DDX21: variants seen among roughly 807,000 people sequenced by gnomAD.
DDX21 encodes nucleolar RNA helicase 2.
DDX21 carries 18 observed loss-of-function variants against 90.0 expected under a neutral mutation model. The ratio of observed to expected loss-of-function variants is 0.20; its 90% CI spans 0.14 to 0.30. The LOEUF is 0.30. Among genes scored for constraint, DDX21 ranks in the 10% least tolerant of loss-of-function variants. DDX21 has a pLI of 1.00. For missense variants in DDX21, 673 were observed against 944.5 expected, an observed-to-expected ratio of 0.71 and a Z score of 3.77; for synonymous variants, 294 against 318.0, an observed-to-expected ratio of 0.92 and a Z score of 0.80.
At chr10:68,969,683 A>C (rs912760000) in intron 7 of DDX21, among the ~76,000 whole-genome samples, 1 of 152,246 alleles carries the variant, frequency 6.6e-6, no homozygotes, top group East Asian at 1.9e-4. Flanking sequence ...CACACTTAAA[A>C]TTTAAACATT....
At chr10:68,972,116 A>C in intron 9 of DDX21, 64 bp downstream of exon 9, 2 of 1,537,832 alleles carry the variant, frequency 1.3e-6, no homozygotes, top group African/African-American at 1.4e-5. Context: ...ACAAATTGGA[A>C]ATTGTATTAT....
chr10:68,977,932 ACT>A, intron 12 of DDX21, among the ~76,000 whole-genome samples: 1 of 151,308 alleles, frequency 6.6e-6, no homozygotes, highest in South Asian at 2.1e-4. Context: ...ACCTAGTGAT[ACT>A]CTGTCTCTAC....
rs1440404937 is a variant in DDX21 at position 68,963,324 on chromosome 10, C to T, written c.641C>T (p.Ala214Val). Reference sequence around the variant, plus strand: ...GTGACCTTCCTATTTCCTATACAAGCAAAGACATTCCATCATGTTTACAGC... The same window carrying T: ...GTGACCTTCCTATTTCCTATACAAGTAAAGACATTCCATCATGTTTACAGC... ...RGVTFLFPIQAKTFHHVYSGK... is the reference protein window; with the variant it reads ...RGVTFLFPIQVKTFHHVYSGK... Residue 214 changes from alanine (A) to valine (V), a missense_variant, in exon 4 of 15, where the codon GCA becomes GTA. By Grantham distance (64) the Ala-to-Val change is moderately conservative. Transcript: ENST00000354185. The T allele has an allele frequency of 6.2e-7, 1 of 1,613,614 alleles. No individual in the cohort carries two copies. The highest frequency in any genetic ancestry group is 2.2e-5 in the East Asian group (1 of 44,874).
chr10:68,973,426 C>T, intron 9 of DDX21, 119 bp from the exon 10 acceptor site: 2 of 1,254,102 alleles, frequency 1.6e-6, no homozygotes, highest in Non-Finnish European at 2.3e-6. Context: ...AAGGGACCTT[C>T]TCCCTCATGT....
At position 68,973,500 on chromosome 10, in the gene DDX21, C is replaced by G; in HGVS notation, c.1549-45C>G. The G allele has an allele frequency of 8.7e-6, 14 of 1,612,160 alleles. 1 individual carries two copies. In the South Asian group the frequency reaches 1.4e-4, roughly 16 times the overall value. ...CTGCATAGGCTACTCAGGTGTTTGT[C>G]TCTCTTTTTTGGTTTAGTGTTACTC... is the stretch of plus-strand genomic sequence containing the variant. On this transcript the variant is annotated intron_variant, in intron 9 of 14. Transcript: ENST00000354185.
intron 2 of DDX21, among the ~76,000 whole-genome samples, chr10:68,961,455 T>C (rs896266360): frequency 6.6e-6 from 1 of 152,238 alleles, no homozygotes; most frequent in Non-Finnish European, 1.5e-5. Context: ...TTTTGGTGTT[T>C]CCTTGTAGTA....
intron 2 of DDX21, among the ~76,000 whole-genome samples, chr10:68,960,524 C>T (rs998021395): frequency 3.3e-5 from 5 of 152,010 alleles, no homozygotes; most frequent in Non-Finnish European, 7.4e-5. Flanking sequence ...TACAGTGGCA[C>T]GATCTCAGCT....
chr10:68,983,700 A>G lies in DDX21; in HGVS notation c.*888A>G, dbSNP rs994055178. On this transcript the variant is annotated 3_prime_UTR_variant, in exon 15 of 15. Coordinates refer to ENST00000354185, the MANE Select transcript of DDX21 (RefSeq NM_004728.4). Reference sequence around the variant, plus strand: ...GATTAGCATTGCTCAAGAGTATGTAAAAAAAAAAAAAAAAAAAAAGAACCA... The same window carrying G: ...GATTAGCATTGCTCAAGAGTATGTAGAAAAAAAAAAAAAAAAAAAGAACCA... 4.1e-5 allele frequency: 1 copy of G among 24,426 alleles called. No homozygotes were observed. The highest frequency in any genetic ancestry group is 8.9e-5 in the Non-Finnish European group (1 of 11,232). The allele number at this position is 24,426 out of a possible 1,614,324, so 1.5% of individuals were successfully genotyped here. A position where few individuals can be genotyped will look rare whatever the true frequency, so the allele number is the denominator to read the frequency against.
At chr10:68,963,896 C>T (rs1271500066) in intron 4 of DDX21, among the ~76,000 whole-genome samples, 1 of 151,820 alleles carries the variant, frequency 6.6e-6, no homozygotes, top group Admixed American at 6.6e-5. Flanking sequence ...GTCAGGAGAT[C>T]GAGACCATCC....
At chr10:68,977,769 AGTT>A in intron 12 of DDX21, 81 bp downstream of exon 12, 2 of 1,385,472 alleles carry the variant, frequency 1.4e-6, no homozygotes. Flanking sequence ...TAAGCTTCCC[AGTT>A]GTTTTCATTT....
At chr10:68,981,683 T>C in intron 14 of DDX21, 102 bp downstream of exon 14, 1 of 1,038,946 alleles carries the variant, frequency 9.6e-7, no homozygotes, top group East Asian at 2.5e-5. Context: ...TTCTGGTTCC[T>C]TTAGTAAGAG....
intron 1 of DDX21, among the ~76,000 whole-genome samples, chr10:68,957,089 G>A (rs1220411608): frequency 6.6e-6 from 1 of 151,840 alleles, no homozygotes; most frequent in Admixed American, 6.6e-5. Context: ...AGACTGGAGA[G>A]GTCTTAACTT....
chr10:68,958,381 A>C (rs560618997), intron 1 of DDX21, among the ~76,000 whole-genome samples: 3 of 151,958 alleles, frequency 2.0e-5, no homozygotes, highest in African/African-American at 7.2e-5. Flanking sequence ...CAATCCTCCC[A>C]CCTCAGCCTC....
At chr10:68,979,829 GC>G (rs1843160449) in intron 13 of DDX21, among the ~76,000 whole-genome samples, 1 of 152,150 alleles carries the variant, frequency 6.6e-6, no homozygotes, top group South Asian at 2.1e-4. Context: ...TCATGTCCTG[GC>G]CTCTGCTAAC....
chr10:68,980,571 A>G (rs1300562924), intron 13 of DDX21, among the ~76,000 whole-genome samples: 1 of 152,180 alleles, frequency 6.6e-6, no homozygotes, highest in African/African-American at 2.4e-5. Context: ...TGATTGGGTA[A>G]ATTTTGGGGT....
chr10:68,965,113 CCTT>C (rs1464279546), intron 4 of DDX21, among the ~76,000 whole-genome samples: 1 of 152,142 alleles, frequency 6.6e-6, no homozygotes, highest in Non-Finnish European at 1.5e-5. Context: ...AGGCTCTGCT[CCTT>C]CTTAGCCTTT....
At position 68,974,030 on chromosome 10, in the gene DDX21, A is replaced by T. The variant is rs191543572; in HGVS notation, c.1668+366A>T. ...TCCTCCAGGAGAATTGGAATAGTGT[A>T]TGTAGATTCTTGCCCCTTCAGGAGC... On this transcript the variant is annotated intron_variant, in intron 10 of 14. Transcript: ENST00000354185. 2.6e-5 allele frequency among the ~76,000 whole-genome samples: 4 copies of T among 152,342 alleles called. No homozygotes were observed. In the East Asian group the frequency reaches 7.7e-4, roughly 29 times the overall value.
At position 68,964,031 on chromosome 10, in the gene DDX21, C is replaced by T. The variant is rs914179911; in HGVS notation, c.786+562C>T. ...AGGAGAATGGCGTGAATCCAGGAGG[C>T]GGAGCTTGCAGTGAGCCGAGATGCA... On this transcript the variant is annotated intron_variant, in intron 4 of 14. Transcript: ENST00000354185. The T allele has an allele frequency of 5.9e-5, 17 of 288,222 alleles. No homozygotes were observed. In the Admixed American group the frequency reaches 6.3e-4, roughly 11 times the overall value. 17.9% of individuals were successfully genotyped at this position (288,222 alleles called of 1,614,324 possible).
At chr10:68,972,539 TGAG>T (rs773934371) in intron 9 of DDX21, among the ~76,000 whole-genome samples, 3 of 152,158 alleles carry the variant, frequency 2.0e-5, no homozygotes, top group Admixed American at 1.3e-4. Context: ...ACTTCCAACA[TGAG>T]GACCCCAAAA....
Sources: gnomAD v4.1 joint callset for allele counts (sites outside exome capture counted in the v4.1 genomes callset) on GRCh38, gnomAD v4.1.1 for gene constraint, MANE v1.5 for transcripts, NCBI Gene and HGNC (gene_info 2026-07-23, HGNC 2026-07-21) for gene names.